Variants in PAX5 observed in about 807,000 individuals in gnomAD.
The protein encoded by PAX5 is paired box protein Pax-5.
Under a neutral mutation model 43.7 loss-of-function variants are expected in PAX5, and 9 were observed. The observed-to-expected ratio is 0.21, with a 90% CI of 0.12 to 0.36. The LOEUF is 0.36. Among genes scored for constraint, PAX5 ranks in the 10% least tolerant of loss-of-function variants. The pLI, the probability that PAX5 is intolerant of heterozygous loss-of-function variation, is 1.00. For missense variants in PAX5, 383 were observed against 532.7 expected, an observed-to-expected ratio of 0.72 and a Z score of 2.77; for synonymous variants, 228 against 214.3, an observed-to-expected ratio of 1.06 and a Z score of -0.56.
Position 37,034,185 on chromosome 9 carries a change from T to C in PAX5, c.-154A>G. ...CAAGCCTTCCGCTCCCCCGCCGAGC[T>C]GGGGTAGCTGATCACTGAGCTGAAA... On this transcript the variant is annotated 5_prime_UTR_variant, in exon 1 of 10. Coordinates refer to ENST00000358127, the MANE Select transcript of PAX5 (RefSeq NM_016734.3). The C allele has an allele frequency of 1.7e-6, 1 of 587,538 alleles. No homozygotes were observed. The highest frequency in any genetic ancestry group is 3.2e-5 in the Admixed American group (1 of 31,190). 36.4% of individuals were successfully genotyped at this position (587,538 alleles called of 1,614,324 possible). A position where few individuals can be genotyped will look rare whatever the true frequency, so the allele number is the denominator to read the frequency against.
chr9:36,907,444 T>C (rs1828917970), intron 7 of PAX5, among the ~76,000 whole-genome samples: 2 of 152,168 alleles, frequency 1.3e-5, no homozygotes, highest in Non-Finnish European at 2.9e-5. Flanking sequence ...GCTGTCTCTA[T>C]GCCAACAGCC....
chr9:36,890,871 G>T (rs1410908486), intron 7 of PAX5, among the ~76,000 whole-genome samples: 3 of 152,210 alleles, frequency 2.0e-5, no homozygotes, highest in Non-Finnish European at 4.4e-5. Flanking sequence ...GGGCGCAGTG[G>T]CTCACACTTG....
At chr9:36,904,375 T>C (rs1587926358) in intron 7 of PAX5, among the ~76,000 whole-genome samples, 1 of 152,118 alleles carries the variant, frequency 6.6e-6, no homozygotes, top group South Asian at 2.1e-4. Flanking sequence ...TGAACCTGGG[T>C]TCACAGAGGC....
At chr9:37,031,116 T>G (rs1840938442) in intron 1 of PAX5, among the ~76,000 whole-genome samples, 1 of 152,256 alleles carries the variant, frequency 6.6e-6, no homozygotes. Flanking sequence ...CCTGTCCCTG[T>G]TTTCAGGAGT....
intron 3 of PAX5, among the ~76,000 whole-genome samples, chr9:37,014,021 G>A (rs1242631407): frequency 1.3e-5 from 2 of 152,162 alleles, no homozygotes; most frequent in Non-Finnish European, 2.9e-5. Flanking sequence ...ATGGTAGGGT[G>A]TGATTTGGAG....
rs2988015 is a variant in PAX5 at position 37,004,180 on chromosome 9, G to A, written c.476-1404C>T. On this transcript the variant is annotated intron_variant, in intron 4 of 9. Coordinates refer to ENST00000358127, the MANE Select transcript of PAX5 (RefSeq NM_016734.3). ...GTGGTTGGTGACTTATTGTGACTGA[G>A]GCTAGGTCTCAAAGTTCCTAAGAAT... Among the ~76,000 whole-genome samples, 841 of 152,342 alleles carry A rather than the reference G, an allele frequency of 5.5e-3. 6 individuals carry two copies. Among genetic ancestry groups the A allele is most frequent in the African/African-American group, 0.019 (801 of 41,572 alleles).
chr9:37,015,109 C>A lies in PAX5; in HGVS notation c.298G>T (p.Ala100Ser), dbSNP rs1313118042. ...GTGGGATTTTGGCGTTTATATTCAG[C>A]GATTTTTTCCACCACTTTGGGTGTG... is the stretch of plus-strand genomic sequence containing the variant. ...VATPKVVEKIAEYKRQNPTMF... is the reference protein window; with the variant it reads ...VATPKVVEKISEYKRQNPTMF... The change falls in exon 3 of 10, where the codon GCT becomes TCT. Residue 100 changes from alanine to serine, a missense_variant. Physicochemically the swap from Ala to Ser is moderately conservative, Grantham distance 99. Transcript: ENST00000358127. The surrounding 1 kb of genome is among the most constrained non-coding windows in gnomAD (Gnocchi z 4.4). 1 of 1,614,036 alleles carries A rather than the reference C, an allele frequency of 6.2e-7. No individual in the cohort carries two copies. The highest frequency in any genetic ancestry group is 8.5e-7 in the Non-Finnish European group (1 of 1,180,028).
At chr9:36,868,113 G>T (rs925892100) in intron 8 of PAX5, among the ~76,000 whole-genome samples, 2 of 152,238 alleles carry the variant, frequency 1.3e-5, no homozygotes, top group African/African-American at 2.4e-5. Flanking sequence ...CAAACAGAGG[G>T]TAACAAGGGC....
intron 8 of PAX5, among the ~76,000 whole-genome samples, chr9:36,859,471 T>TC (rs1305930033): frequency 1.3e-5 from 2 of 151,874 alleles, no homozygotes; most frequent in Non-Finnish European, 2.9e-5. Flanking sequence ...TCTCCCTCCC[T>TC]CCCCCTGCCA....
intron 6 of PAX5, among the ~76,000 whole-genome samples, chr9:36,929,569 T>C (rs895924921): frequency 1.3e-5 from 2 of 152,210 alleles, no homozygotes; most frequent in African/African-American, 4.8e-5. Context: ...TTGGGGTTCT[T>C]TCTTAGGATG....
chr9:36,914,513 A>T (rs1829573410), intron 7 of PAX5, among the ~76,000 whole-genome samples: 1 of 152,238 alleles, frequency 6.6e-6, no homozygotes, highest in East Asian at 1.9e-4. Flanking sequence ...CAGTTTAAAC[A>T]TACAGAGCAT....
intron 8 of PAX5, among the ~76,000 whole-genome samples, chr9:36,854,849 G>A (rs1384356480): frequency 6.6e-6 from 1 of 152,158 alleles, no homozygotes; most frequent in Non-Finnish European, 1.5e-5. Context: ...GAGAGGGTGA[G>A]CATGAGGGGC....
intron 3 of PAX5, among the ~76,000 whole-genome samples, chr9:37,013,778 G>A (rs190525662): frequency 6.6e-6 from 1 of 152,276 alleles, no homozygotes; most frequent in East Asian, 1.9e-4. Flanking sequence ...CCTGTACCAT[G>A]CATGATGTCA....
At chr9:36,872,851 G>A (rs1239216989) in intron 8 of PAX5, among the ~76,000 whole-genome samples, 1 of 152,198 alleles carries the variant, frequency 6.6e-6, no homozygotes, top group African/African-American at 2.4e-5. Flanking sequence ...AAGGCTATTG[G>A]ATGCTCAGCC....
rs983395455 is a variant in PAX5, at chr9:36,838,589, A to T, written c.*1971T>A. ...CCAAGCTGGGCCTCAGTTTCCCACA[A>T]GGGAAGTTGGGCTAGGTCTTTTTCC... On this transcript the variant is annotated 3_prime_UTR_variant, in exon 10 of 10. Coordinates refer to ENST00000358127, the MANE Select transcript of PAX5 (RefSeq NM_016734.3). The T allele has an allele frequency of 7.7e-5, 18 of 233,154 alleles. No individual in the cohort carries two copies. The highest frequency in any genetic ancestry group is 1.4e-4 in the Non-Finnish European group (16 of 118,028). 14.4% of individuals were successfully genotyped at this position (233,154 alleles called of 1,614,324 possible).
intron 1 of PAX5, among the ~76,000 whole-genome samples, chr9:37,028,253 T>C (rs934198824): frequency 6.6e-6 from 1 of 152,230 alleles, no homozygotes; most frequent in Non-Finnish European, 1.5e-5. Flanking sequence ...TTTCCTCTTC[T>C]GTAAAATGGG....
At position 36,839,235 on chromosome 9, in the gene PAX5, A is replaced by T. The variant is rs1163722962; in HGVS notation, c.*1325T>A. 4.3e-6 allele frequency: 1 copy of T among 233,416 alleles called. No individual in the cohort carries two copies. The highest frequency in any genetic ancestry group is 8.5e-6 in the Non-Finnish European group (1 of 118,268). The allele number at this position is 233,416 out of a possible 1,614,324, so 14.5% of individuals were successfully genotyped here. A position where few individuals can be genotyped will look rare whatever the true frequency, so the allele number is the denominator to read the frequency against. On this transcript the variant is annotated 3_prime_UTR_variant, in exon 10 of 10. Transcript: ENST00000358127. The stretch of plus-strand genomic sequence containing the variant: ...AGATCTTCCCTGCTGGCTTCCTCTG[A>T]CCACCCTAGCCCACAGTGAGTTCTC...
intron 8 of PAX5, among the ~76,000 whole-genome samples, chr9:36,862,063 G>A (rs1307364161): frequency 6.6e-6 from 1 of 152,168 alleles, no homozygotes; most frequent in African/African-American, 2.4e-5. Flanking sequence ...GGGCACTCAC[G>A]GAGCGGGGCC....
At position 36,833,916 on chromosome 9, in the gene PAX5, T is replaced by G. The variant is rs1821455462; in HGVS notation, c.*6644A>C. 2 of 232,082 alleles carry G rather than the reference T, an allele frequency of 8.6e-6. No individual in the cohort carries two copies. The highest frequency in any genetic ancestry group is 1.7e-5 in the Non-Finnish European group (2 of 117,666). 14.4% of individuals were successfully genotyped at this position (232,082 alleles called of 1,614,324 possible). Reference sequence around the variant, plus strand: ...AAGCGTCTATGCAGGCATCACAAACTTTGGCGGATACAGTAGATATGTATT... The same window carrying G: ...AAGCGTCTATGCAGGCATCACAAACGTTGGCGGATACAGTAGATATGTATT... On this transcript the variant is annotated 3_prime_UTR_variant, in exon 10 of 10. Transcript: ENST00000358127.
Sources: gnomAD v4.1 joint callset for allele counts (sites outside exome capture counted in the v4.1 genomes callset) on GRCh38, gnomAD v4.1.1 for gene constraint, Gnocchi (gnomAD v3.1) non-coding constraint, MANE v1.5 for transcripts, NCBI Gene and HGNC (gene_info 2026-07-23, HGNC 2026-07-21) for gene names.